Variants in LHFPL6 observed in about 807,000 individuals in gnomAD.
LHFPL6 encodes the protein LHFPL tetraspan subfamily member 6.
Under a neutral mutation model 20.6 loss-of-function variants are expected in LHFPL6, and 9 were observed. That is an observed-to-expected ratio of 0.44 (90% confidence interval 0.26 to 0.76). LHFPL6 has a LOEUF of 0.76. Ranked by LOEUF, LHFPL6 falls within the 30% of genes least tolerant of loss-of-function variation. The pLI, the probability that LHFPL6 is intolerant of heterozygous loss-of-function variation, is 0.20. For missense variants in LHFPL6, 218 were observed against 253.5 expected (o/e 0.86, Z 0.95); for synonymous variants, 105 against 98.7 (o/e 1.06, Z -0.38).
chr13:39,547,009 C>T (rs1025850141), intron 2 of LHFPL6, among the ~76,000 whole-genome samples: 15 of 152,072 alleles, frequency 9.9e-5, no homozygotes, highest in African/African-American at 3.1e-4. Flanking sequence ...ATGCTGGTTT[C>T]GCTAATAACC....
At chr13:39,358,830 A>C (rs1869797182) in intron 3 of LHFPL6, among the ~76,000 whole-genome samples, 1 of 152,222 alleles carries the variant, frequency 6.6e-6, no homozygotes. Flanking sequence ...AATTCAAGTC[A>C]AAACTACAAG....
At chr13:39,529,109 T>C (rs1870382030) in intron 2 of LHFPL6, among the ~76,000 whole-genome samples, 1 of 151,958 alleles carries the variant, frequency 6.6e-6, no homozygotes, top group Non-Finnish European at 1.5e-5. Flanking sequence ...TCCTTCTTCT[T>C]GAGGCAGAGT....
At chr13:39,498,801 C>A (rs929664319) in intron 2 of LHFPL6, among the ~76,000 whole-genome samples, 20 of 152,232 alleles carry the variant, frequency 1.3e-4, no homozygotes, top group Non-Finnish European at 2.6e-4. Flanking sequence ...GGATCTCCCA[C>A]CAGCAACTAC....
chr13:39,526,602 G>A (rs1397210393), intron 2 of LHFPL6, among the ~76,000 whole-genome samples: 2 of 152,112 alleles, frequency 1.3e-5, no homozygotes, highest in African/African-American at 4.8e-5. Flanking sequence ...CTCTGCATTC[G>A]GCCAGCCATT....
At chr13:39,512,331 G>A (rs958896247) in intron 2 of LHFPL6, among the ~76,000 whole-genome samples, 14 of 152,100 alleles carry the variant, frequency 9.2e-5, no homozygotes, top group Admixed American at 7.2e-4. Context: ...GGCTGGGTGC[G>A]GTGGCTCACG....
chr13:39,474,256 CTTG>C (rs549000135), intron 2 of LHFPL6, among the ~76,000 whole-genome samples: 2 of 152,196 alleles, frequency 1.3e-5, no homozygotes, highest in Non-Finnish European at 2.9e-5. Context: ...AAATTGTCTA[CTTG>C]TTGTAATAAT....
In LHFPL6 at chr13:39,471,242, G is replaced by A. The variant is rs966546684; in HGVS notation, c.386-92716C>T. ...CAGGAATGTTGGCCAGAGGAGGAGA[G>A]AAAGCTACATCAGACAAAGGAGGCA... On this transcript the variant is annotated intron_variant, in intron 2 of 3. Transcript: ENST00000379589. 5.3e-5 allele frequency among the ~76,000 whole-genome samples: 8 copies of A among 152,260 alleles called. No individual in the cohort carries two copies. In the South Asian group the frequency reaches 8.3e-4, roughly 16 times the overall value.
intron 2 of LHFPL6, among the ~76,000 whole-genome samples, chr13:39,594,822 A>G (rs1415962043): frequency 6.6e-6 from 1 of 152,238 alleles, no homozygotes; most frequent in East Asian, 1.9e-4. Context: ...TTGTAGGGAC[A>G]TGGATGAAGC....
At chr13:39,560,385 T>C (rs1871432790) in intron 2 of LHFPL6, among the ~76,000 whole-genome samples, 1 of 152,140 alleles carries the variant, frequency 6.6e-6, no homozygotes, top group Non-Finnish European at 1.5e-5. Context: ...CTGTTCTGTT[T>C]GTCTCCCAAG....
intron 3 of LHFPL6, among the ~76,000 whole-genome samples, chr13:39,350,790 T>C (rs986136130): frequency 7.9e-5 from 12 of 152,118 alleles, no homozygotes; most frequent in Admixed American, 7.2e-4. Context: ...CAGCATACCA[T>C]AGCCACCTGC....
intron 2 of LHFPL6, among the ~76,000 whole-genome samples, chr13:39,547,580 T>G (rs144480630): frequency 6.6e-6 from 1 of 152,212 alleles, no homozygotes; most frequent in East Asian, 1.9e-4. Context: ...CTGAACATTT[T>G]GCAAAACAGT....
chr13:39,428,502 TC>T lies in LHFPL6; in HGVS notation c.386-49977del, dbSNP rs2138402355. 1.3e-5 allele frequency among the ~76,000 whole-genome samples: 2 copies of T among 152,320 alleles called. 1 individual carries two copies. The highest frequency in any genetic ancestry group is 4.1e-4 in the South Asian group (2 of 4,830). On this transcript the variant is annotated intron_variant, in intron 2 of 3. Transcript: ENST00000379589. ...ATTGGTATGCAGTGATTTATAATCT[TC>T]CCGTATTATCATTGTAATCTATAGC...
intron 2 of LHFPL6, among the ~76,000 whole-genome samples, chr13:39,490,622 C>T (rs1012953043): frequency 3.3e-5 from 5 of 152,220 alleles, no homozygotes; most frequent in African/African-American, 1.2e-4. Context: ...ATCAGCTGTA[C>T]TGCTAAGCAT....
chr13:39,389,863 T>A (rs1473863032), intron 2 of LHFPL6, among the ~76,000 whole-genome samples: 1 of 152,156 alleles, frequency 6.6e-6, no homozygotes, highest in Non-Finnish European at 1.5e-5. Context: ...AGTGATGAGT[T>A]CCCTGGGGCT....
Position 39,593,988 on chromosome 13 carries a change from C to T in LHFPL6, c.385+6844G>A, listed in dbSNP as rs536694462. Among the ~76,000 whole-genome samples the T allele has an allele frequency of 7.2e-5, 11 of 152,220 alleles. No homozygotes were observed. The South Asian group carries it at 1.7e-3, about 23-fold the overall frequency. Reference sequence around the variant, plus strand: ...ATTCAAGATGGATTAAAGACTTAAACGTTAGACCTAAAACCATAAAAACCC... The same window carrying T: ...ATTCAAGATGGATTAAAGACTTAAATGTTAGACCTAAAACCATAAAAACCC... On this transcript the variant is annotated intron_variant, in intron 2 of 3. Transcript: ENST00000379589.
intron 2 of LHFPL6, among the ~76,000 whole-genome samples, chr13:39,453,234 G>A (rs1324544568): frequency 2.0e-5 from 3 of 152,060 alleles, no homozygotes; most frequent in Non-Finnish European, 4.4e-5. Flanking sequence ...TGGCAGTTAC[G>A]GCTGAAAATA....
chr13:39,439,087 C>T (rs2138412004), intron 2 of LHFPL6, among the ~76,000 whole-genome samples: 1 of 152,298 alleles, frequency 6.6e-6, no homozygotes, highest in East Asian at 1.9e-4. Context: ...GGAAAAGCCA[C>T]AAAGACTCAA....
At chr13:39,502,973 G>C (rs1362888461) in intron 2 of LHFPL6, among the ~76,000 whole-genome samples, 1 of 152,142 alleles carries the variant, frequency 6.6e-6, no homozygotes, top group Non-Finnish European at 1.5e-5. Context: ...GCTTATGGCA[G>C]ACTCAAACTA....
intron 2 of LHFPL6, among the ~76,000 whole-genome samples, chr13:39,448,849 G>A (rs1872364315): frequency 6.6e-6 from 1 of 152,212 alleles, no homozygotes; most frequent in Non-Finnish European, 1.5e-5. Flanking sequence ...ACAAAACTAA[G>A]AGTAATATTC....
Sources: gnomAD v4.1 joint callset for allele counts (sites outside exome capture counted in the v4.1 genomes callset) on GRCh38, gnomAD v4.1.1 for gene constraint, MANE v1.5 for transcripts, NCBI Gene and HGNC (gene_info 2026-07-23, HGNC 2026-07-21) for gene names.